PSMD12: variants seen among roughly 807,000 people sequenced by gnomAD.
PSMD12 encodes proteasome 26S subunit, non-ATPase 12, also known as 26S proteasome non-ATPase regulatory subunit 12.
A neutral mutation model predicts 62.9 loss-of-function variants in PSMD12; 8 were observed. That is an observed-to-expected ratio of 0.13 (90% CI 0.07 to 0.23). The LOEUF is 0.23. Among genes scored for constraint, PSMD12 ranks in the 10% least tolerant of loss-of-function variants. The probability of loss-of-function intolerance (pLI) is 1.00; values close to 1 mark genes in which losing one functional copy is unlikely to be tolerated. For missense variants in PSMD12, 424 were observed against 550.2 expected, an observed-to-expected ratio of 0.77 and a Z score of 2.29; for synonymous variants, 173 against 187.4, an observed-to-expected ratio of 0.92 and a Z score of 0.63.
At chr17:67,345,120 G>A (rs1170356351) in intron 8 of PSMD12, among the ~76,000 whole-genome samples, 2 of 152,174 alleles carry the variant, frequency 1.3e-5, no homozygotes, top group African/African-American at 2.4e-5. Flanking sequence ...TCACAAGTAT[G>A]TATTTCTGAA....
chr17:67,341,524 AG>A (rs1287162863), intron 10 of PSMD12, among the ~76,000 whole-genome samples: 1 of 151,638 alleles, frequency 6.6e-6, no homozygotes, highest in Non-Finnish European at 1.5e-5. Flanking sequence ...TCCTATAATA[AG>A]TACTTATTTT....
chr17:67,345,865 A>G lies in PSMD12; in HGVS notation c.796-8T>C. The G allele has an allele frequency of 6.3e-7, 1 of 1,594,880 alleles. No homozygotes were observed. On this transcript the variant is annotated splice_polypyrimidine_tract_variant and splice_region_variant and intron_variant, in intron 7 of 10. Coordinates refer to ENST00000356126, the MANE Select transcript of PSMD12 (RefSeq NM_002816.5). ...TACAACACTCTTCAGAGCCTAAAAG[A>G]GTTGTACAACAAGTTATATGCAAGA...
chr17:67,352,208 TCAGCCTCTTGGG>T (rs1435028103), intron 3 of PSMD12, among the ~76,000 whole-genome samples: 1 of 152,052 alleles, frequency 6.6e-6, no homozygotes, highest in East Asian at 1.9e-4. Flanking sequence ...TCTTCCCACC[TCAGCCTCTTGGG>T]CAGCTGGGAC....
chr17:67,347,626 T>C, intron 5 of PSMD12, 141 bp from the exon 6 acceptor site: 1 of 789,786 alleles, frequency 1.3e-6, no homozygotes, highest in South Asian at 2.7e-5. Flanking sequence ...GACAATTACA[T>C]TAAAAGCTAG....
rs141692754 is a variant in PSMD12 at position 67,357,022 on chromosome 17, T to C, written c.297+281A>G. On this transcript the variant is annotated intron_variant, in intron 3 of 10. Transcript: ENST00000356126. ...GAGACCCTGTCTCAAAATAAGTAAATAAATAAGGAAAAAATAAAAGTAGCA... is the reference window on the plus strand; with the variant it reads ...GAGACCCTGTCTCAAAATAAGTAAACAAATAAGGAAAAAATAAAAGTAGCA... The C allele has an allele frequency of 1.9e-4, 44 of 226,258 alleles. No homozygotes were observed. The East Asian group carries it at 4.9e-3, about 25-fold the overall frequency. 14.0% of individuals were successfully genotyped at this position (226,258 alleles called of 1,614,324 possible).
At chr17:67,342,724 G>A (rs557861956) in intron 9 of PSMD12, among the ~76,000 whole-genome samples, 12 of 151,996 alleles carry the variant, frequency 7.9e-5, no homozygotes, top group Non-Finnish European at 1.3e-4. Flanking sequence ...ACTGTTTGAG[G>A]CCAGGAGACC....
intron 3 of PSMD12, among the ~76,000 whole-genome samples, chr17:67,352,951 TA>T (rs1342201141): frequency 3.9e-5 from 6 of 152,176 alleles, no homozygotes; most frequent in African/African-American, 1.4e-4. Context: ...AGCGAAGCCA[TA>T]AAGTGCCTCC....
rs35353017 is a variant in PSMD12, at chr17:67,356,557, C to CAA, written c.297+744_297+745dup. Reference sequence around the variant, plus strand: ...TGGGCGACAGAGCGAGACTCCGTCTCAAAAAAAAAAAAAAAAAAAAAAAAA... The same window carrying CAA: ...TGGGCGACAGAGCGAGACTCCGTCTCAAAAAAAAAAAAAAAAAAAAAAAAAAA... On this transcript the variant is annotated intron_variant, in intron 3 of 10. Transcript: ENST00000356126. Among the ~76,000 whole-genome samples the CAA allele has an allele frequency of 1.2e-3, 18 of 14,992 alleles. 3 individuals carry two copies. The East Asian group carries it at 0.027, about 22-fold the overall frequency. The allele number at this position is 14,992 out of a possible 152,430, so 9.8% of individuals were successfully genotyped here. A position where few individuals can be genotyped will look rare whatever the true frequency, so the allele number is the denominator to read the frequency against.
Position 67,366,421 on chromosome 17 carries a change from C to T in PSMD12, c.99G>A (p.Lys33=). The T allele has an allele frequency of 6.2e-7, 1 of 1,611,494 alleles. No individual in the cohort carries two copies. Among genetic ancestry groups the T allele is most frequent in the Non-Finnish European group, 8.5e-7 (1 of 1,178,560 alleles). ...GCCGGCCTCTCCTCACCTTGGCTAGCTTCGCACACTCGGGTAGGCGCTGAT... is the reference window on the plus strand; with the variant it reads ...GCCGGCCTCTCCTCACCTTGGCTAGTTTCGCACACTCGGGTAGGCGCTGAT... ...TVDQRLPECA[K]LAKEGRLQEV... Residue 33 remains lysine, a synonymous_variant, in exon 1 of 11, where the codon AAG becomes AAA. Transcript: ENST00000356126.
chr17:67,356,515 G>A (rs1435107437), intron 3 of PSMD12, among the ~76,000 whole-genome samples: 6 of 107,608 alleles, frequency 5.6e-5, no homozygotes, highest in East Asian at 3.2e-4. Flanking sequence ...CCGAGATCGC[G>A]CCACTGCACT....
At chr17:67,358,567 CAAAAAAAA>C (rs398039153) in intron 1 of PSMD12, among the ~76,000 whole-genome samples, 23 of 74,078 alleles carry the variant, frequency 3.1e-4, no homozygotes, top group African/African-American at 8.0e-4. Flanking sequence ...GAACCTGTCT[CAAAAAAAA>C]AAAAAAAAAA....
intron 1 of PSMD12, among the ~76,000 whole-genome samples, chr17:67,361,944 G>C (rs2042134444): frequency 7.6e-6 from 1 of 131,502 alleles, no homozygotes; most frequent in Non-Finnish European, 1.6e-5. Context: ...GGGAGAGAGA[G>C]AGGAAGACAT....
chr17:67,352,561 C>CA (rs370296960), intron 3 of PSMD12, among the ~76,000 whole-genome samples: 2 of 151,978 alleles, frequency 1.3e-5, no homozygotes, highest in Non-Finnish European at 2.9e-5. Context: ...AAAAGCTGTG[C>CA]AAAAAATACA....
chr17:67,361,733 T>C (rs2042129587), intron 1 of PSMD12, among the ~76,000 whole-genome samples: 1 of 151,842 alleles, frequency 6.6e-6, no homozygotes, highest in Admixed American at 6.6e-5. Flanking sequence ...TTGCTCTTTT[T>C]GACATTAACC....
intron 1 of PSMD12, among the ~76,000 whole-genome samples, chr17:67,365,708 T>C (rs2042172622): frequency 1.3e-5 from 2 of 152,250 alleles, no homozygotes; most frequent in African/African-American, 4.8e-5. Flanking sequence ...TACTTGTCTT[T>C]ACTTCTGTAG....
rs1436867304 is a variant in PSMD12, at chr17:67,338,434, TG to T, written c.*2408del. On this transcript the variant is annotated 3_prime_UTR_variant, in exon 11 of 11. Coordinates refer to ENST00000356126, the MANE Select transcript of PSMD12 (RefSeq NM_002816.5). Reference sequence around the variant, plus strand: ...ATACCTCATATATTTGCTGGATTAATGTTTGACAGGAAAAAACACGAAATGG... The same window carrying T: ...ATACCTCATATATTTGCTGGATTAATTTTGACAGGAAAAAACACGAAATGG... 6.6e-6 allele frequency: 1 copy of T among 152,262 alleles called. No individual in the cohort carries two copies. The highest frequency in any genetic ancestry group is 2.4e-5 in the African/African-American group (1 of 41,472). The allele number at this position is 152,262 out of a possible 1,614,324, so 9.4% of individuals were successfully genotyped here.
At chr17:67,365,456 C>G (rs779258016) in intron 1 of PSMD12, among the ~76,000 whole-genome samples, 1 of 152,088 alleles carries the variant, frequency 6.6e-6, no homozygotes, top group East Asian at 1.9e-4. Flanking sequence ...AAGCACGGTG[C>G]CTGACACTGC....
chr17:67,343,853 G>A (rs1313156053), intron 9 of PSMD12, among the ~76,000 whole-genome samples: 8 of 151,990 alleles, frequency 5.3e-5, no homozygotes, highest in East Asian at 3.9e-4. Context: ...ACAGGTGTGC[G>A]CCACCACGCC....
At position 67,347,400 on chromosome 17, in the gene PSMD12, T is replaced by C; in HGVS notation, c.596A>G (p.Tyr199Cys). 6.2e-7 allele frequency: 1 copy of C among 1,614,010 alleles called. No homozygotes were observed. Among genetic ancestry groups the C allele is most frequent in the Non-Finnish European group, 8.5e-7 (1 of 1,179,956 alleles). The change falls in exon 6 of 11, where the codon TAC becomes TGC. Residue 199 changes from tyrosine to cysteine, a missense_variant. Transcript: ENST00000356126. ...QMRLCLAVKD[Y>C]IRTQIISKKI... ...CTTGCTGATGATTTGTGTTCGAATG[T>C]AATCCTTCACAGCTAGGCAGAGCCT... is the stretch of plus-strand genomic sequence containing the variant.
Sources: gnomAD v4.1 joint callset for allele counts (sites outside exome capture counted in the v4.1 genomes callset) on GRCh38, gnomAD v4.1.1 for gene constraint, MANE v1.5 for transcripts, NCBI Gene and HGNC (gene_info 2026-07-23, HGNC 2026-07-21) for gene names.